PLSCR4: variants seen among roughly 807,000 people sequenced by gnomAD.
The protein encoded by PLSCR4 is phospholipid scramblase 4.
Under a neutral mutation model 36.3 loss-of-function variants are expected in PLSCR4, and 25 were observed. The observed-to-expected ratio is 0.69, with a 90% CI of 0.50 to 0.96. PLSCR4 has a LOEUF of 0.96. Ranked by LOEUF, PLSCR4 falls within the 40% of genes least tolerant of loss-of-function variation. The pLI is 0.00. For synonymous variants in PLSCR4, 122 were observed against 132.9 expected, an observed-to-expected ratio of 0.92 and a Z score of 0.56; for missense variants, 408 against 414.7, an observed-to-expected ratio of 0.98 and a Z score of 0.14.
chr3:146,226,261 A>G (rs2035472062), intron 1 of PLSCR4, among the ~76,000 whole-genome samples: 1 of 152,218 alleles, frequency 6.6e-6, no homozygotes, highest in Admixed American at 6.5e-5. Context: ...ATGTTTAAAT[A>G]TGCATATTTA....
intron 1 of PLSCR4, among the ~76,000 whole-genome samples, chr3:146,225,640 A>G (rs1323058832): frequency 2.0e-5 from 3 of 152,188 alleles, no homozygotes; most frequent in Non-Finnish European, 4.4e-5. Context: ...GCACTGCTGG[A>G]GGACTCACTA....
intron 1 of PLSCR4, among the ~76,000 whole-genome samples, chr3:146,234,055 A>G (rs1362195966): frequency 2.6e-5 from 4 of 152,230 alleles, no homozygotes; most frequent in Non-Finnish European, 1.5e-5. Flanking sequence ...AACATGCAGT[A>G]AACTGATACC....
At chr3:146,216,508 T>A (rs2034896819) in intron 3 of PLSCR4, among the ~76,000 whole-genome samples, 1 of 152,186 alleles carries the variant, frequency 6.6e-6, no homozygotes, top group Non-Finnish European at 1.5e-5. Flanking sequence ...TCTAACAACG[T>A]TACAAGTACT....
rs1286219197 is a variant in PLSCR4, at chr3:146,221,033, G to A, written c.8-108C>T. ...AATGCATCAAGAAATATAATCAACT[G>A]GAAAATACACTCCTATATTTTTTAA... On this transcript the variant is annotated intron_variant, in intron 2 of 8. Coordinates refer to ENST00000354952, the MANE Select transcript of PLSCR4 (RefSeq NM_020353.3). The A allele has an allele frequency of 8.4e-6, 5 of 594,504 alleles. 1 individual carries two copies. In the Admixed American group the frequency reaches 1.0e-4, roughly 12 times the overall value. 36.8% of individuals were successfully genotyped at this position (594,504 alleles called of 1,614,324 possible).
chr3:146,206,408 T>C (rs1445767443), intron 4 of PLSCR4, 118 bp downstream of exon 4: 4 of 684,444 alleles, frequency 5.8e-6, no homozygotes, highest in Non-Finnish European at 1.0e-5. Flanking sequence ...GTTTCACAAA[T>C]GGCATCTGTC....
intron 3 of PLSCR4, among the ~76,000 whole-genome samples, chr3:146,220,068 AT>A (rs2035069710): frequency 6.6e-6 from 1 of 152,224 alleles, no homozygotes; most frequent in African/African-American, 2.4e-5. Flanking sequence ...TTTTAAAAAA[AT>A]ATTACTACAG....
At position 146,206,561 on chromosome 3, in the gene PLSCR4, C is replaced by A. The variant is rs34752991; in HGVS notation, c.319G>T (p.Ala107Ser). 1,172 of 1,613,322 alleles carry A rather than the reference C, an allele frequency of 7.3e-4. 4 individuals carry two copies. In the African/African-American group the frequency reaches 0.013, roughly 19 times the overall value. The change falls in exon 4 of 9, where the codon GCA (alanine) becomes TCA (serine). Residue 107 changes from alanine (A) to serine (S), a missense_variant. By Grantham distance (99) the Ala-to-Ser change is moderately conservative. Transcript: ENST00000354952. ...TATTCCAGACCAGGAGGGCAGTTTG[C>A]CATAGGAGTTGGCCCTGGCATCCAT... is the stretch of plus-strand genomic sequence containing the variant. ...ITWMPGPTPM[A>S]NCPPGLEYLV...
chr3:146,223,334 AG>A (rs2035262314), intron 1 of PLSCR4, among the ~76,000 whole-genome samples: 1 of 152,172 alleles, frequency 6.6e-6, no homozygotes, highest in Non-Finnish European at 1.5e-5. Context: ...TAACAAAAAG[AG>A]TATCAACAAA....
At chr3:146,244,557 T>C (rs1257283438) in intron 1 of PLSCR4, among the ~76,000 whole-genome samples, 2 of 152,132 alleles carry the variant, frequency 1.3e-5, no homozygotes, top group Non-Finnish European at 2.9e-5. Context: ...CTATGATCAG[T>C]GATCTTTGAT....
At chr3:146,195,925 T>C (rs1438463669) in intron 7 of PLSCR4, among the ~76,000 whole-genome samples, 2 of 152,194 alleles carry the variant, frequency 1.3e-5, no homozygotes, top group Non-Finnish European at 2.9e-5. Flanking sequence ...GGAAAGTTTC[T>C]TGAGTATCAT....
At chr3:146,217,740 A>T (rs2034959868) in intron 3 of PLSCR4, among the ~76,000 whole-genome samples, 1 of 152,204 alleles carries the variant, frequency 6.6e-6, no homozygotes, top group African/African-American at 2.4e-5. Flanking sequence ...AAGAAAATAG[A>T]GTTTAGAAGC....
At chr3:146,248,486 A>AT (rs1270460249) in intron 1 of PLSCR4, among the ~76,000 whole-genome samples, 2 of 150,366 alleles carry the variant, frequency 1.3e-5, no homozygotes, top group Non-Finnish European at 2.9e-5. Flanking sequence ...CTACACACAC[A>AT]CAGACACACA....
At chr3:146,203,443 T>G (rs1037154969) in intron 4 of PLSCR4, among the ~76,000 whole-genome samples, 2 of 152,032 alleles carry the variant, frequency 1.3e-5, no homozygotes, top group African/African-American at 4.8e-5. Context: ...TTTTTAGCTA[T>G]GAAAGTCCTA....
chr3:146,200,129 A>T lies in PLSCR4; in HGVS notation c.398-90T>A. The stretch of plus-strand genomic sequence containing the variant: ...TTAGTATTTCTTAAGGGCTTAAAGC[A>T]ACATAGCTTTTTTAAAGTTTCAGGT... On this transcript the variant is annotated intron_variant, in intron 5 of 8. Coordinates refer to ENST00000354952, the MANE Select transcript of PLSCR4 (RefSeq NM_020353.3). 9.6e-6 allele frequency: 7 copies of T among 730,808 alleles called. No individual in the cohort carries two copies. In the South Asian group the frequency reaches 1.2e-4, roughly 13 times the overall value. The allele number at this position is 730,808 out of a possible 1,614,324, so 45.3% of individuals were successfully genotyped here.
At chr3:146,247,897 C>T (rs1279335523) in intron 1 of PLSCR4, among the ~76,000 whole-genome samples, 2 of 152,168 alleles carry the variant, frequency 1.3e-5, no homozygotes, top group African/African-American at 2.4e-5. Context: ...ACTGTGATAA[C>T]GGGCGTGAGC....
rs532478622 is a variant in PLSCR4, at chr3:146,226,651, C to CT, written c.-21-4560dup. On this transcript the variant is annotated intron_variant, in intron 1 of 8. Transcript: ENST00000354952. Reference sequence around the variant, plus strand: ...GAAGTAGCACCTCTGGGGTCCAGGCCTGGAAATCTCTACTTTTAACACAGT... The same window carrying CT: ...GAAGTAGCACCTCTGGGGTCCAGGCCTTGGAAATCTCTACTTTTAACACAGT... 4.3e-4 allele frequency among the ~76,000 whole-genome samples: 66 copies of CT among 152,224 alleles called. 1 individual carries two copies. Among genetic ancestry groups the CT allele is most frequent in the African/African-American group, 1.4e-3 (58 of 41,530 alleles).
chr3:146,199,537 T>G (rs1271712850), intron 6 of PLSCR4, among the ~76,000 whole-genome samples: 1 of 152,156 alleles, frequency 6.6e-6, no homozygotes, highest in Non-Finnish European at 1.5e-5. Context: ...AATTTCTAAT[T>G]AAGTAGATGC....
intron 1 of PLSCR4, among the ~76,000 whole-genome samples, chr3:146,249,698 G>A (rs2036476515): frequency 6.6e-6 from 1 of 151,210 alleles, no homozygotes; most frequent in Non-Finnish European, 1.5e-5. Flanking sequence ...TAATATGTTT[G>A]TTCTTCCACA....
intron 1 of PLSCR4, among the ~76,000 whole-genome samples, chr3:146,226,217 A>G (rs2035469637): frequency 6.6e-6 from 1 of 152,222 alleles, no homozygotes; most frequent in Non-Finnish European, 1.5e-5. Flanking sequence ...GAACAAGGCT[A>G]ATGTCTTGTC....
Sources: gnomAD v4.1 joint callset for allele counts (sites outside exome capture counted in the v4.1 genomes callset) on GRCh38, gnomAD v4.1.1 for gene constraint, MANE v1.5 for transcripts, NCBI Gene and HGNC (gene_info 2026-07-23, HGNC 2026-07-21) for gene names.